Variants in MALRD1 observed in about 807,000 individuals in gnomAD.
The protein encoded by MALRD1 is MAM and LDL-receptor class A domain-containing protein 1.
In MALRD1, 247 loss-of-function variants were observed where a neutral mutation model predicts 242.1. The ratio of observed to expected loss-of-function variants is 1.02; its 90% CI spans 0.92 to 1.13. The LOEUF is 1.13. Ranked by LOEUF, MALRD1 falls within the 50% of genes most tolerant of loss-of-function variation. MALRD1 has a pLI of 0.00. For missense variants in MALRD1, 2,989 were observed against 2,533.1 expected (o/e 1.18, Z -3.86); for synonymous variants, 995 against 866.6 (o/e 1.15, Z -2.60).
chr10:19,233,754 T>C (rs1297517436), intron 18 of MALRD1, among the ~76,000 whole-genome samples: 1 of 152,108 alleles, frequency 6.6e-6, no homozygotes, highest in Non-Finnish European at 1.5e-5. Flanking sequence ...ATAACATTAG[T>C]GCTAATTTGT....
intron 28 of MALRD1, among the ~76,000 whole-genome samples, chr10:19,393,442 A>T (rs1401393605): frequency 9.1e-5 from 10 of 110,036 alleles, no homozygotes; most frequent in African/African-American, 2.9e-4. Context: ...GATGAGGTTA[A>T]TTTTTTTTTT....
intron 26 of MALRD1, among the ~76,000 whole-genome samples, chr10:19,354,164 A>G (rs1377991048): frequency 6.6e-6 from 1 of 152,178 alleles, no homozygotes; most frequent in Admixed American, 6.6e-5. Context: ...ATGAGGTCAT[A>G]TTTTAGGAAA....
At chr10:19,607,468 C>T (rs1241710417) in intron 34 of MALRD1, among the ~76,000 whole-genome samples, 2 of 152,026 alleles carry the variant, frequency 1.3e-5, no homozygotes, top group Non-Finnish European at 2.9e-5. Context: ...CTTAAAGCTC[C>T]TATCTGTAAA....
chr10:19,072,578 CAT>C (rs1001316530), intron 2 of MALRD1, among the ~76,000 whole-genome samples: 1 of 151,924 alleles, frequency 6.6e-6, no homozygotes, highest in Non-Finnish European at 1.5e-5. Flanking sequence ...ATTAATTGAG[CAT>C]TTTATATCTG....
chr10:19,733,685 C>G (rs1282857430), intron 39 of MALRD1, among the ~76,000 whole-genome samples: 1 of 148,174 alleles, frequency 6.7e-6, no homozygotes, highest in African/African-American at 2.5e-5. Flanking sequence ...ATTGCTTGTC[C>G]TATAGAATTT....
intron 29 of MALRD1, among the ~76,000 whole-genome samples, chr10:19,457,526 G>A (rs138146472): frequency 1.4e-4 from 22 of 152,040 alleles, no homozygotes; most frequent in Admixed American, 1.1e-3. Flanking sequence ...GGCAAAGCCC[G>A]CCCTGGGTTT....
At chr10:19,215,267 G>C (rs1837257339) in intron 18 of MALRD1, among the ~76,000 whole-genome samples, 1 of 152,176 alleles carries the variant, frequency 6.6e-6, no homozygotes. Flanking sequence ...CAACACTTCT[G>C]GCACCCATGC....
At chr10:19,654,587 T>G (rs576378724) in intron 36 of MALRD1, among the ~76,000 whole-genome samples, 2 of 152,330 alleles carry the variant, frequency 1.3e-5, no homozygotes, top group Admixed American at 6.5e-5. Flanking sequence ...GACTGTCTTT[T>G]CTTTGCTTTC....
At chr10:19,450,021 A>G (rs554570078) in intron 28 of MALRD1, among the ~76,000 whole-genome samples, 43 of 152,178 alleles carry the variant, frequency 2.8e-4, no homozygotes, top group Admixed American at 5.2e-4. Context: ...ATTTCAGGTT[A>G]CAGCTGTCAG....
intron 36 of MALRD1, among the ~76,000 whole-genome samples, chr10:19,643,151 G>A (rs1245691043): frequency 6.6e-6 from 1 of 152,122 alleles, no homozygotes; most frequent in Non-Finnish European, 1.5e-5. Context: ...AATTGTTTAA[G>A]CCCGGAGCGG....
chr10:19,725,743 T>A (rs1834992562), intron 38 of MALRD1, among the ~76,000 whole-genome samples: 1 of 152,176 alleles, frequency 6.6e-6, no homozygotes, highest in African/African-American at 2.4e-5. Flanking sequence ...AGAACAGACA[T>A]ATAGATCAAT....
At chr10:19,327,750 A>G in intron 23 of MALRD1, 77 bp downstream of exon 23, 1 of 1,177,624 alleles carries the variant, frequency 8.5e-7, no homozygotes, top group East Asian at 2.6e-5. Flanking sequence ...TTCTCTACTC[A>G]CAGTCTTCTT....
At chr10:19,298,786 A>T (rs1841821867) in intron 21 of MALRD1, among the ~76,000 whole-genome samples, 2 of 151,996 alleles carry the variant, frequency 1.3e-5, no homozygotes, top group Admixed American at 1.3e-4. Context: ...CTCAAAGCAC[A>T]ACTTTAATCA....
At chr10:19,474,611 A>T (rs1376640267) in intron 29 of MALRD1, among the ~76,000 whole-genome samples, 1 of 152,076 alleles carries the variant, frequency 6.6e-6, no homozygotes, top group Non-Finnish European at 1.5e-5. Context: ...TATCAATTTT[A>T]ATAACATCTG....
intron 36 of MALRD1, among the ~76,000 whole-genome samples, chr10:19,666,145 T>G (rs1046945646): frequency 7.2e-5 from 11 of 152,146 alleles, no homozygotes; most frequent in African/African-American, 2.7e-4. Context: ...TCCTCATAGT[T>G]CCTGGCATCA....
chr10:19,591,155 C>T (rs1170314216), intron 33 of MALRD1, among the ~76,000 whole-genome samples: 10 of 152,178 alleles, frequency 6.6e-5, no homozygotes. Flanking sequence ...AATCAGACAG[C>T]ATGTAGCCTT....
intron 33 of MALRD1, among the ~76,000 whole-genome samples, chr10:19,570,017 A>C (rs1460766579): frequency 1.3e-5 from 2 of 151,956 alleles, no homozygotes; most frequent in East Asian, 3.8e-4. Context: ...TGTGAACAAC[A>C]ACCTAACATT....
At chr10:19,588,160 A>G (rs952786113) in intron 33 of MALRD1, among the ~76,000 whole-genome samples, 2 of 152,038 alleles carry the variant, frequency 1.3e-5, no homozygotes, top group African/African-American at 4.8e-5. Context: ...ATTTTTTTTT[A>G]AAGACCTTTC....
intron 36 of MALRD1, among the ~76,000 whole-genome samples, chr10:19,619,292 G>A (rs1013543377): frequency 1.3e-5 from 2 of 151,992 alleles, no homozygotes; most frequent in African/African-American, 4.8e-5. Context: ...AGCCCAGCCA[G>A]GGAGGGTCGC....
Sources: gnomAD v4.1 joint callset for allele counts (sites outside exome capture counted in the v4.1 genomes callset) on GRCh38, gnomAD v4.1.1 for gene constraint, MANE v1.5 for transcripts, NCBI Gene and HGNC (gene_info 2026-07-23, HGNC 2026-07-21) for gene names.